FMN1: variants seen among roughly 807,000 people sequenced by gnomAD.
FMN1 encodes the protein formin-1.
Under a neutral mutation model 132.4 loss-of-function variants are expected in FMN1, and 110 were observed. The observed-to-expected ratio is 0.83, with a 90% confidence interval of 0.71 to 0.97. The LOEUF is 0.97. FMN1 is among the 50% of genes least tolerant of loss of function. FMN1 has a pLI of 0.00. For synonymous variants in FMN1, 722 were observed against 651.7 expected (o/e 1.11, Z -1.64); for missense variants, 1,792 against 1,705.3 (o/e 1.05, Z -0.90).
chr15:32,957,794 G>A (rs1330764317), intron 9 of FMN1, among the ~76,000 whole-genome samples: 1 of 152,106 alleles, frequency 6.6e-6, no homozygotes, highest in Non-Finnish European at 1.5e-5. Context: ...CAATTTCGTA[G>A]AGAAGAAATC....
intron 4 of FMN1, among the ~76,000 whole-genome samples, chr15:33,119,741 A>G (rs954839800): frequency 6.6e-6 from 1 of 152,188 alleles, no homozygotes; most frequent in African/African-American, 2.4e-5. Flanking sequence ...CTCATATTCT[A>G]AAAACTGTTT....
At chr15:32,956,744 C>T (rs1567460259) in intron 9 of FMN1, among the ~76,000 whole-genome samples, 1 of 152,154 alleles carries the variant, frequency 6.6e-6, no homozygotes, top group Admixed American at 6.6e-5. Flanking sequence ...AAAAAACTAA[C>T]GCACATTCCT....
chr15:33,163,277 T>C (rs1222722754), intron 3 of FMN1, among the ~76,000 whole-genome samples: 3 of 151,024 alleles, frequency 2.0e-5, no homozygotes, highest in Non-Finnish European at 2.9e-5. Flanking sequence ...TTTGCTATTT[T>C]GGTTTCTTGT....
chr15:32,838,839 A>G (rs2141201238), intron 17 of FMN1, among the ~76,000 whole-genome samples: 1 of 152,360 alleles, frequency 6.6e-6, no homozygotes, highest in South Asian at 2.1e-4. Flanking sequence ...TTGTGACACG[A>G]AGACTGAAAT....
chr15:32,925,726 T>C (rs147855816), intron 10 of FMN1, among the ~76,000 whole-genome samples: 115 of 152,252 alleles, frequency 7.6e-4, no homozygotes, highest in African/African-American at 2.5e-3. Flanking sequence ...ATTAATGTCT[T>C]TGAAGGAAGG....
chr15:33,129,590 A>G (rs556776717), intron 4 of FMN1, among the ~76,000 whole-genome samples: 1 of 152,218 alleles, frequency 6.6e-6, no homozygotes, highest in Non-Finnish European at 1.5e-5. Context: ...TGAGTCTCAC[A>G]ACCATCCACT....
chr15:32,991,721 G>A (rs1051313992), intron 7 of FMN1, among the ~76,000 whole-genome samples: 2 of 152,132 alleles, frequency 1.3e-5, no homozygotes, highest in South Asian at 2.1e-4. Flanking sequence ...GTCAGACACC[G>A]TAATTTATTA....
At chr15:32,986,810 T>A (rs561717042) in intron 7 of FMN1, among the ~76,000 whole-genome samples, 1 of 152,258 alleles carries the variant, frequency 6.6e-6, no homozygotes, top group Non-Finnish European at 1.5e-5. Flanking sequence ...TAGATTATAC[T>A]ATATTACTTT....
intron 5 of FMN1, among the ~76,000 whole-genome samples, chr15:33,079,976 ATCTG>A (rs1435784215): frequency 3.3e-5 from 5 of 152,164 alleles, no homozygotes; most frequent in Non-Finnish European, 5.9e-5. Flanking sequence ...CAGACACATG[ATCTG>A]TCTCTCATTC....
chr15:32,837,066 A>AT (rs920736650), intron 17 of FMN1: 23 of 230,380 alleles, frequency 1.0e-4, no homozygotes, highest in African/African-American at 4.6e-4. Context: ...ACTCTGCTAC[A>AT]ATGCTGTGTC....
intron 4 of FMN1, among the ~76,000 whole-genome samples, chr15:33,099,639 T>C (rs2039218529): frequency 6.6e-6 from 1 of 152,228 alleles, no homozygotes; most frequent in Non-Finnish European, 1.5e-5. Context: ...AAAGCATTTG[T>C]AAATCAATAA....
intron 16 of FMN1, among the ~76,000 whole-genome samples, chr15:32,887,172 C>T (rs2059915321): frequency 6.6e-6 from 1 of 152,048 alleles, no homozygotes; most frequent in African/African-American, 2.4e-5. Flanking sequence ...CAGCCTCAGA[C>T]TTAGGTTTCT....
intron 5 of FMN1, chr15:33,067,614 G>A: frequency 6.2e-7 from 1 of 1,613,916 alleles, no homozygotes; most frequent in South Asian, 1.1e-5. Flanking sequence ...TCATTTCCGA[G>A]GTCAGGTGAA....
intron 9 of FMN1, among the ~76,000 whole-genome samples, chr15:32,959,732 T>C (rs1205583241): frequency 6.6e-6 from 1 of 152,138 alleles, no homozygotes. Context: ...GGCAAACTAT[T>C]ATAAGAAAAG....
At chr15:32,981,581 T>C (rs182205627) in intron 7 of FMN1, among the ~76,000 whole-genome samples, 27 of 149,580 alleles carry the variant, frequency 1.8e-4, no homozygotes, top group Middle Eastern at 3.5e-3. Flanking sequence ...TGTGCTAACA[T>C]AAGACTCAAC....
intron 5 of FMN1, among the ~76,000 whole-genome samples, chr15:33,085,171 C>T (rs1249571039): frequency 6.6e-6 from 1 of 152,076 alleles, no homozygotes; most frequent in African/African-American, 2.4e-5. Flanking sequence ...GAGTTAAGTT[C>T]TTTAGTGGTG....
intron 17 of FMN1, among the ~76,000 whole-genome samples, chr15:32,840,840 A>G (rs73386875): frequency 0.027 from 4,086 of 152,314 alleles, 174 homozygotes; most frequent in African/African-American, 0.094. Context: ...AAATGTGCAC[A>G]CACTGTTTAA....
At chr15:33,089,034 G>C in intron 4 of FMN1, 60 bp from the exon 5 acceptor site, 1 of 1,408,726 alleles carries the variant, frequency 7.1e-7, no homozygotes, top group East Asian at 2.5e-5. Context: ...AATAAATAAA[G>C]CCATATTTGG....
chr15:32,963,994 A>G (rs200354886), intron 9 of FMN1, 113 bp downstream of exon 9: 49 of 473,742 alleles, frequency 1.0e-4, no homozygotes, highest in Middle Eastern at 6.1e-4. Flanking sequence ...ATGTATAGGT[A>G]TGTGTGTGTG....
Sources: allele counts gnomAD v4.1 joint callset (sites outside exome capture counted in the v4.1 genomes callset), GRCh38; gene constraint gnomAD v4.1.1; transcripts MANE v1.5; gene names NCBI Gene and HGNC (gene_info 2026-07-23, HGNC 2026-07-21).